The following HSD17B12 variants were observed in gnomAD, a reference collection of about 807,000 sequenced individuals.
HSD17B12 encodes hydroxysteroid 17-beta dehydrogenase 12, also known as very-long-chain 3-oxoacyl-CoA reductase.
A neutral mutation model predicts 39.3 loss-of-function variants in HSD17B12; 32 were observed. That is an observed-to-expected ratio of 0.81 (90% confidence interval 0.61 to 1.09). HSD17B12 has a LOEUF of 1.09. HSD17B12 is among the 50% of genes least tolerant of loss of function. HSD17B12 has a pLI of 0.00. For missense variants in HSD17B12, 342 were observed against 382.9 expected, an observed-to-expected ratio of 0.89 and a Z score of 0.89; for synonymous variants, 150 against 146.7, an observed-to-expected ratio of 1.02 and a Z score of -0.16.
At chr11:43,695,929 A>G (rs1316583044) in intron 1 of HSD17B12, among the ~76,000 whole-genome samples, 1 of 152,146 alleles carries the variant, frequency 6.6e-6, no homozygotes, top group Non-Finnish European at 1.5e-5. Context: ...TTTGTTTTAC[A>G]TATTATTTCA....
rs148375653 is a variant in HSD17B12 at position 43,838,120 on chromosome 11, A to T, written c.537-197A>T. On this transcript the variant is annotated intron_variant, in intron 7 of 10. Coordinates refer to ENST00000278353, the MANE Select transcript of HSD17B12 (RefSeq NM_016142.3). ...GGGAAATGAGCTAATCGTGAAGAAG[A>T]GCTATTTTTAGTTGATTGAATTATG... 889 of 554,330 alleles carry T rather than the reference A, an allele frequency of 1.6e-3. 1 individual carries two copies. The highest frequency in any genetic ancestry group is 4.1e-3 in the Admixed American group (130 of 32,058). 34.3% of individuals were successfully genotyped at this position (554,330 alleles called of 1,614,324 possible).
the HSD17B12 span, among the ~76,000 whole-genome samples, chr11:43,590,384 GA>G: frequency 7.2e-6 from 1 of 138,036 alleles, no homozygotes; most frequent in African/African-American, 2.8e-5. Flanking sequence ...ACCAGTAGGG[GA>G]ACCATGATCC....
intron 1 of HSD17B12, among the ~76,000 whole-genome samples, chr11:43,716,155 G>T (rs1387607743): frequency 6.6e-6 from 1 of 152,134 alleles, no homozygotes; most frequent in Non-Finnish European, 1.5e-5. Flanking sequence ...AATTGCATTT[G>T]CCCTTTGGAT....
chr11:43,759,599 C>T (rs1298993597), intron 3 of HSD17B12, among the ~76,000 whole-genome samples: 1 of 152,052 alleles, frequency 6.6e-6, no homozygotes, highest in Non-Finnish European at 1.5e-5. Context: ...TTTTTATTTG[C>T]AATAAAGCAT....
the HSD17B12 span, among the ~76,000 whole-genome samples, chr11:43,579,994 A>T: frequency 6.6e-6 from 1 of 150,668 alleles, no homozygotes; most frequent in African/African-American, 2.4e-5. Flanking sequence ...GGTTTCCCCC[A>T]CTGGGGGACT....
chr11:43,588,714 AG>A, the HSD17B12 span, among the ~76,000 whole-genome samples: 1 of 151,352 alleles, frequency 6.6e-6, no homozygotes, highest in Non-Finnish European at 1.5e-5. Context: ...CTATAGGACC[AG>A]AGCTATTCCT....
chr11:43,728,482 AAAAAG>A (rs1259335694), intron 1 of HSD17B12, among the ~76,000 whole-genome samples: 2 of 152,172 alleles, frequency 1.3e-5, no homozygotes, highest in Non-Finnish European at 2.9e-5. Context: ...TAAGTAAAAA[AAAAAG>A]AAAAGAAAAA....
chr11:43,706,809 G>A (rs887548176), intron 1 of HSD17B12, among the ~76,000 whole-genome samples: 4 of 151,850 alleles, frequency 2.6e-5, no homozygotes, highest in Non-Finnish European at 5.9e-5. Context: ...CACTTCCTGT[G>A]TTTAAGGTAC....
chr11:43,563,129 C>T, the HSD17B12 span, among the ~76,000 whole-genome samples: 4 of 152,164 alleles, frequency 2.6e-5, no homozygotes, highest in Non-Finnish European at 4.4e-5. Flanking sequence ...AGAAAGTAAT[C>T]CCTTACCTAG....
intron 1 of HSD17B12, among the ~76,000 whole-genome samples, chr11:43,700,405 A>T (rs192504490): frequency 6.6e-6 from 1 of 152,168 alleles, no homozygotes; most frequent in East Asian, 1.9e-4. Context: ...CAGTCGCCAC[A>T]TTGTGCTGCT....
chr11:43,631,353 C>T, the HSD17B12 span, among the ~76,000 whole-genome samples: 37 of 152,238 alleles, frequency 2.4e-4, no homozygotes, highest in African/African-American at 8.9e-4. Context: ...AAAGGATCTT[C>T]CAAACATTTC....
At chr11:43,583,118 C>T in the HSD17B12 span, among the ~76,000 whole-genome samples, 1 of 152,318 alleles carries the variant, frequency 6.6e-6, no homozygotes, top group East Asian at 1.9e-4. Flanking sequence ...GAAAGCCCTC[C>T]TCTCTCCCAA....
chr11:43,802,800 T>C (rs1399757724), intron 4 of HSD17B12, among the ~76,000 whole-genome samples: 1 of 152,222 alleles, frequency 6.6e-6, no homozygotes, highest in Non-Finnish European at 1.5e-5. Context: ...AAAATGTCAG[T>C]AGTGCTGAGG....
chr11:43,807,662 G>T (rs754394367), intron 4 of HSD17B12, among the ~76,000 whole-genome samples: 1 of 152,172 alleles, frequency 6.6e-6, no homozygotes. Flanking sequence ...GACAAGAATT[G>T]ATAGGAGGAG....
intron 4 of HSD17B12, among the ~76,000 whole-genome samples, chr11:43,799,731 G>T (rs1950948195): frequency 6.6e-6 from 1 of 152,110 alleles, no homozygotes; most frequent in Admixed American, 6.6e-5. Flanking sequence ...CATTTCTTTA[G>T]TCGTAAAGAC....
At chr11:43,826,348 G>T (rs1005329879) in intron 6 of HSD17B12, among the ~76,000 whole-genome samples, 2 of 152,048 alleles carry the variant, frequency 1.3e-5, no homozygotes, top group Non-Finnish European at 2.9e-5. Context: ...CTCCCAAAGA[G>T]CTGGGATTAC....
At chr11:43,819,067 C>T (rs145243700) in intron 6 of HSD17B12, among the ~76,000 whole-genome samples, 207 of 152,192 alleles carry the variant, frequency 1.4e-3, no homozygotes, top group African/African-American at 4.6e-3. Context: ...TTCATAATAT[C>T]TTGTGCTGAG....
chr11:43,680,778 A>G lies in HSD17B12; in HGVS notation c.-50A>G. 7 of 1,537,998 alleles carry G rather than the reference A, an allele frequency of 4.6e-6. No homozygotes were observed. Among genetic ancestry groups the G allele is most frequent in the Non-Finnish European group, 6.3e-6 (7 of 1,111,186 alleles). On this transcript the variant is annotated 5_prime_UTR_variant, in exon 1 of 11. Transcript: ENST00000278353. Reference sequence around the variant, plus strand: ...ACGGCCGGCGCCTCCTCCTGGATTCATTCACTCGCTCTTTTCATTCACGAA... The same window carrying G: ...ACGGCCGGCGCCTCCTCCTGGATTCGTTCACTCGCTCTTTTCATTCACGAA...
At chr11:43,616,433 A>AAAAAAAAAAAG in the HSD17B12 span, among the ~76,000 whole-genome samples, 1 of 150,600 alleles carries the variant, frequency 6.6e-6, no homozygotes, top group Non-Finnish European at 1.5e-5. Context: ...AACAAAAAAA[A>AAAAAAAAAAAG]AACAAACAAA....
Sources: allele counts gnomAD v4.1 joint callset (sites outside exome capture counted in the v4.1 genomes callset), GRCh38; gene constraint gnomAD v4.1.1; transcripts MANE v1.5; gene names NCBI Gene and HGNC (gene_info 2026-07-23, HGNC 2026-07-21).